SCFD2: variants seen among roughly 807,000 people sequenced by gnomAD.
SCFD2 encodes the protein sec1 family domain containing 2, also known as sec1 family domain-containing protein 2.
Under a neutral mutation model 58.9 loss-of-function variants are expected in SCFD2, and 54 were observed. That is an observed-to-expected ratio of 0.92 (90% CI 0.74 to 1.15). The LOEUF (loss-of-function observed/expected upper bound fraction) is 1.15. Among genes scored for constraint, SCFD2 ranks in the 50% most tolerant of loss-of-function variants. SCFD2 has a pLI of 0.00. For synonymous variants in SCFD2, 321 were observed against 335.9 expected (o/e 0.96, Z 0.49); for missense variants, 805 against 836.6 (o/e 0.96, Z 0.47).
chr4:53,006,945 G>C (rs1407048848), intron 5 of SCFD2, among the ~76,000 whole-genome samples: 1 of 152,006 alleles, frequency 6.6e-6, no homozygotes, highest in African/African-American at 2.4e-5. Flanking sequence ...CCAACAGCCA[G>C]ATCTTCCATT....
At chr4:53,049,316 T>C (rs1311344803) in intron 5 of SCFD2, among the ~76,000 whole-genome samples, 2 of 152,158 alleles carry the variant, frequency 1.3e-5, no homozygotes, top group Non-Finnish European at 2.9e-5. Context: ...AAGAGGATGG[T>C]GAAGAGGAAT....
At chr4:53,122,094 A>T (rs1414506910) in intron 5 of SCFD2, among the ~76,000 whole-genome samples, 1 of 152,092 alleles carries the variant, frequency 6.6e-6, no homozygotes, top group Non-Finnish European at 1.5e-5. Flanking sequence ...TCTGAACCCT[A>T]GTCTGGGCGC....
intron 5 of SCFD2, among the ~76,000 whole-genome samples, chr4:52,954,511 A>G (rs944753898): frequency 5.3e-5 from 8 of 152,206 alleles, no homozygotes; most frequent in African/African-American, 1.7e-4. Context: ...CAGTTGGGCC[A>G]AATGAAATTG....
intron 4 of SCFD2, among the ~76,000 whole-genome samples, chr4:53,273,134 T>C (rs747885864): frequency 5.3e-4 from 81 of 152,172 alleles, no homozygotes; most frequent in Admixed American, 5.2e-3. Context: ...ATGATAAATA[T>C]GAAAATAATG....
chr4:53,191,105 TGGGAGGCTGAGGA>T (rs1343283839), intron 4 of SCFD2, among the ~76,000 whole-genome samples: 1 of 152,088 alleles, frequency 6.6e-6, no homozygotes, highest in African/African-American at 2.4e-5. Context: ...CCCAGCACTT[TGGGAGGCTGAGGA>T]GGGCAGGTCA....
intron 1 of SCFD2, among the ~76,000 whole-genome samples, chr4:53,364,223 A>G (rs1734632934): frequency 6.6e-6 from 1 of 152,208 alleles, no homozygotes; most frequent in Non-Finnish European, 1.5e-5. Context: ...TAATCTTATT[A>G]AGATTAAAAA....
intron 5 of SCFD2, among the ~76,000 whole-genome samples, chr4:53,024,999 C>T (rs1426300475): frequency 6.6e-6 from 1 of 152,166 alleles, no homozygotes; most frequent in Non-Finnish European, 1.5e-5. Context: ...CTTATCTATT[C>T]ACAGATAAAC....
In SCFD2 at chr4:53,204,252, T is replaced by C. The variant is rs531077843; in HGVS notation, c.1312-58670A>G. ...CAATATCTGCAGAAAGTTTCTAACA[T>C]GGAATATGGAAGATAAAACAACTTT... On this transcript the variant is annotated intron_variant, in intron 4 of 8. Transcript: ENST00000401642. 5.3e-5 allele frequency among the ~76,000 whole-genome samples: 8 copies of C among 151,990 alleles called. No individual in the cohort carries two copies. The South Asian group carries it at 1.2e-3, about 24-fold the overall frequency.
chr4:53,012,712 G>A (rs558409593), intron 5 of SCFD2, among the ~76,000 whole-genome samples: 244 of 151,946 alleles, frequency 1.6e-3, no homozygotes, highest in African/African-American at 5.7e-3. Context: ...GCATGTTCTA[G>A]CCAGTCGGCA....
At chr4:53,185,280 C>T (rs886431519) in intron 4 of SCFD2, among the ~76,000 whole-genome samples, 4 of 152,000 alleles carry the variant, frequency 2.6e-5, no homozygotes, top group African/African-American at 7.2e-5. Flanking sequence ...CAATTTTAAT[C>T]GAAAATAATA....
chr4:52,932,375 G>A (rs1157008202), intron 5 of SCFD2, among the ~76,000 whole-genome samples: 5 of 152,198 alleles, frequency 3.3e-5, no homozygotes, highest in Non-Finnish European at 5.9e-5. Context: ...CCAAGTCATG[G>A]CATACTTAAA....
At chr4:53,123,104 A>G (rs1725527955) in intron 5 of SCFD2, among the ~76,000 whole-genome samples, 1 of 152,172 alleles carries the variant, frequency 6.6e-6, no homozygotes, top group African/African-American at 2.4e-5. Context: ...AATTTTCATT[A>G]CAGATTCACA....
At chr4:53,040,208 T>A (rs1722862220) in intron 5 of SCFD2, among the ~76,000 whole-genome samples, 1 of 152,176 alleles carries the variant, frequency 6.6e-6, no homozygotes. Flanking sequence ...TGCTCTTTGC[T>A]GAGTTAATGT....
At chr4:53,139,335 C>T (rs899184779) in intron 5 of SCFD2, among the ~76,000 whole-genome samples, 1 of 150,198 alleles carries the variant, frequency 6.7e-6, no homozygotes, top group African/African-American at 2.4e-5. Flanking sequence ...GGCCGCCCAT[C>T]GTCTGGGATG....
intron 5 of SCFD2, among the ~76,000 whole-genome samples, chr4:53,067,253 A>G (rs1723688037): frequency 6.6e-6 from 1 of 151,960 alleles, no homozygotes; most frequent in African/African-American, 2.4e-5. Flanking sequence ...CCTGTGTATC[A>G]TGGCCTTGTA....
intron 3 of SCFD2, among the ~76,000 whole-genome samples, chr4:53,295,597 A>T (rs765342109): frequency 1.1e-4 from 17 of 152,142 alleles, no homozygotes; most frequent in Non-Finnish European, 1.8e-4. Flanking sequence ...AGACAATTTG[A>T]CTTCCTCTCT....
At chr4:52,921,234 G>A (rs899998815) in intron 5 of SCFD2, among the ~76,000 whole-genome samples, 1 of 152,100 alleles carries the variant, frequency 6.6e-6, no homozygotes, top group Non-Finnish European at 1.5e-5. Flanking sequence ...AGGAAAATAC[G>A]AGAGACTGTT....
intron 3 of SCFD2, among the ~76,000 whole-genome samples, chr4:53,278,884 TAAA>T (rs1407598335): frequency 4.5e-5 from 5 of 111,482 alleles, no homozygotes; most frequent in Non-Finnish European, 5.5e-5. Flanking sequence ...ACAGATGCTC[TAAA>T]AAAAAAAAAA....
intron 5 of SCFD2, among the ~76,000 whole-genome samples, chr4:53,102,874 ACCC>A (rs1724870159): frequency 6.6e-6 from 1 of 152,154 alleles, no homozygotes; most frequent in South Asian, 2.1e-4. Context: ...ACAATAAGGT[ACCC>A]AAATTCATTC....
Sources: gnomAD v4.1 joint callset for allele counts (sites outside exome capture counted in the v4.1 genomes callset) on GRCh38, gnomAD v4.1.1 for gene constraint, MANE v1.5 for transcripts, NCBI Gene and HGNC (gene_info 2026-07-23, HGNC 2026-07-21) for gene names.